Variants in RIPOR3 observed in about 807,000 individuals in gnomAD.
The protein encoded by RIPOR3 is RIPOR family member 3.
In RIPOR3, 95 loss-of-function variants were observed where a neutral mutation model predicts 114.3. The observed-to-expected ratio is 0.83, with a 90% CI of 0.70 to 0.99. The LOEUF (loss-of-function observed/expected upper bound fraction) is 0.99. Among genes scored for constraint, RIPOR3 ranks in the 50% least tolerant of loss-of-function variants. The pLI, the probability that RIPOR3 is intolerant of heterozygous loss-of-function variation, is 0.00. For missense variants in RIPOR3, 1,252 were observed against 1,266.9 expected (o/e 0.99, Z 0.18); for synonymous variants, 575 against 543.8 (o/e 1.06, Z -0.80).
In RIPOR3 at chr20:50,597,587, C is replaced by A; in HGVS notation, c.1783G>T (p.Gly595Cys). Reference protein sequence around the residue: ...DELSLFGGSQGLRKDRPLPPP... With the variant: ...DELSLFGGSQCLRKDRPLPPP... ...GGAAGGAGGTGCACTCACCGGAGAC[C>A]CTGGGAGCCCCCAAACAGGGACAGC... Residue 595 changes from glycine (G) to cysteine (C), a missense_variant, in exon 14 of 22, where the codon GGT becomes TGT. Transcript: ENST00000327979. The A allele has an allele frequency of 6.2e-7, 1 of 1,605,800 alleles. No homozygotes were observed. The highest frequency in any genetic ancestry group is 8.5e-7 in the Non-Finnish European group (1 of 1,176,250).
At chr20:50,668,522 A>AC (rs1568948998) in intron 1 of RIPOR3, among the ~76,000 whole-genome samples, 1 of 152,076 alleles carries the variant, frequency 6.6e-6, no homozygotes, top group African/African-American at 2.4e-5. Context: ...TCCCACACAC[A>AC]CCCACACAAC....
chr20:50,620,347 C>T (rs60480188), intron 2 of RIPOR3, among the ~76,000 whole-genome samples: 2 of 152,270 alleles, frequency 1.3e-5, no homozygotes, highest in East Asian at 3.9e-4. Context: ...GGATCCTGGG[C>T]CAGGTGCGGT....
At position 50,587,110 on chromosome 20, in the gene RIPOR3, G is replaced by T; in HGVS notation, c.*122C>A. ...GTCAATGGCCGGAGTCTCAGGTAGA[G>T]CTCTGGGCAGCTCACACTCCTGGAG... On this transcript the variant is annotated 3_prime_UTR_variant, in exon 22 of 22. Transcript: ENST00000327979. 1 of 744,486 alleles carries T rather than the reference G, an allele frequency of 1.3e-6. No homozygotes were observed. The highest frequency in any genetic ancestry group is 2.3e-6 in the Non-Finnish European group (1 of 433,720). The allele number at this position is 744,486 out of a possible 1,614,324, so 46.1% of individuals were successfully genotyped here.
At chr20:50,688,732 T>C (rs1030612621) in intron 1 of RIPOR3, among the ~76,000 whole-genome samples, 9 of 152,176 alleles carry the variant, frequency 5.9e-5, no homozygotes, top group African/African-American at 2.2e-4. Flanking sequence ...TTTACAGAGA[T>C]GGCACCATGG....
At chr20:50,636,217 G>A (rs1353928543) in intron 1 of RIPOR3, among the ~76,000 whole-genome samples, 1 of 152,214 alleles carries the variant, frequency 6.6e-6, no homozygotes, top group Non-Finnish European at 1.5e-5. Flanking sequence ...ACAATCTCAG[G>A]AGCCTTCAGC....
chr20:50,597,466 C>T, intron 14 of RIPOR3, 114 bp downstream of exon 14: 1 of 1,429,088 alleles, frequency 7.0e-7, no homozygotes, highest in Non-Finnish European at 9.5e-7. Context: ...GTGACAAGAG[C>T]TGAGCCAAGG....
chr20:50,603,810 G>A (rs1412585457), intron 12 of RIPOR3, among the ~76,000 whole-genome samples: 1 of 152,208 alleles, frequency 6.6e-6, no homozygotes, highest in African/African-American at 2.4e-5. Flanking sequence ...AATGGTTGAT[G>A]TTCATTAACT....
At chr20:50,594,531 G>A (rs374682669) in intron 17 of RIPOR3, 22 bp downstream of exon 17, 19 of 1,604,612 alleles carry the variant, frequency 1.2e-5, no homozygotes, top group African/African-American at 1.1e-4. Flanking sequence ...GGGAGGGGAC[G>A]ACAGGACAGA....
chr20:50,650,900 A>T (rs191490951), intron 1 of RIPOR3, among the ~76,000 whole-genome samples: 21 of 152,206 alleles, frequency 1.4e-4, no homozygotes, highest in Admixed American at 1.4e-3. Context: ...TGGTTACCTT[A>T]TATGACAAAA....
chr20:50,653,419 G>GA (rs552963363), intron 1 of RIPOR3, among the ~76,000 whole-genome samples: 1,550 of 150,376 alleles, frequency 0.01, 11 homozygotes, highest in Middle Eastern at 0.017. Flanking sequence ...CCAAAAAAAA[G>GA]AAAAAAACAC....
chr20:50,638,000 G>A (rs2085051670), intron 1 of RIPOR3, among the ~76,000 whole-genome samples: 1 of 151,870 alleles, frequency 6.6e-6, no homozygotes, highest in Admixed American at 6.6e-5. Context: ...CACATGGTGT[G>A]AGCCACCATG....
chr20:50,604,470 G>A (rs2083623509), intron 12 of RIPOR3, among the ~76,000 whole-genome samples, 175 bp downstream of exon 12: 1 of 152,222 alleles, frequency 6.6e-6, no homozygotes, highest in Non-Finnish European at 1.5e-5. Context: ...AGGCTAGGTT[G>A]GAGGCTGGCA....
At chr20:50,601,942 A>T (rs2083508804) in intron 13 of RIPOR3, 130 bp downstream of exon 13, 1 of 875,040 alleles carries the variant, frequency 1.1e-6, no homozygotes, top group African/African-American at 1.7e-5. Context: ...CCAGAGAGAC[A>T]CGGCCCACCC....
intron 4 of RIPOR3, among the ~76,000 whole-genome samples, chr20:50,613,959 G>A (rs2123104978): frequency 6.6e-6 from 1 of 152,194 alleles, no homozygotes; most frequent in East Asian, 1.9e-4. Flanking sequence ...CTCCTACCCT[G>A]CCCACCCCGA....
chr20:50,655,519 A>G (rs1168550618), intron 1 of RIPOR3, among the ~76,000 whole-genome samples: 1 of 152,202 alleles, frequency 6.6e-6, no homozygotes, highest in Non-Finnish European at 1.5e-5. Flanking sequence ...GGTTGTTAAG[A>G]TCGCCGACTT....
chr20:50,609,313 T>A lies in RIPOR3; in HGVS notation c.620A>T (p.Glu207Val). Residue 207 changes from glutamate (E) to valine (V), a missense_variant, in exon 8 of 22, where the codon GAG becomes GTG. Glu to Val is a moderately radical substitution (Grantham distance 121). Coordinates refer to ENST00000327979, the MANE Select transcript of RIPOR3 (RefSeq NM_001290268.2). The stretch of plus-strand genomic sequence containing the variant: ...GTTACCTTTCATCCTGATGTGGAAC[T>A]CGCCCAGGTGAACCTCCAGGGCCCC... ...IEGALEVHLG[E>V]FHIRMKGLVG... 6.2e-7 allele frequency: 1 copy of A among 1,613,918 alleles called. No homozygotes were observed. Among genetic ancestry groups the A allele is most frequent in the Non-Finnish European group, 8.5e-7 (1 of 1,179,856 alleles).
chr20:50,616,130 G>T lies in RIPOR3; in HGVS notation c.270-50C>A, dbSNP rs769426466. The T allele has an allele frequency of 2.5e-6, 4 of 1,570,498 alleles. No individual in the cohort carries two copies. The East Asian group carries it at 6.9e-5, about 27-fold the overall frequency. ...TCAAATGGAAGAGGAAGAAGAAAGG[G>T]AAAGGAAGTAGGCCAAATGGACAAT... On this transcript the variant is annotated intron_variant, in intron 3 of 21. Coordinates refer to ENST00000327979, the MANE Select transcript of RIPOR3 (RefSeq NM_001290268.2).
intron 11 of RIPOR3, 110 bp downstream of exon 11, chr20:50,608,279 C>T: frequency 1.3e-6 from 2 of 1,497,732 alleles, no homozygotes; most frequent in Admixed American, 1.8e-5. Context: ...CCCGTGAGGG[C>T]AGGGACACCC....
chr20:50,596,544 G>C (rs967078455), intron 14 of RIPOR3, among the ~76,000 whole-genome samples: 1 of 152,196 alleles, frequency 6.6e-6, no homozygotes, highest in South Asian at 2.1e-4. Flanking sequence ...GCTCTGTGAC[G>C]CTGGACAAGT....
Sources: gnomAD v4.1 joint callset for allele counts (sites outside exome capture counted in the v4.1 genomes callset) on GRCh38, gnomAD v4.1.1 for gene constraint, MANE v1.5 for transcripts, NCBI Gene and HGNC (gene_info 2026-07-23, HGNC 2026-07-21) for gene names.